The following ADPGK variants were observed in gnomAD, a reference collection of about 807,000 sequenced individuals.
ADPGK encodes ADP-dependent glucokinase.
In ADPGK, 26 loss-of-function variants were observed where a neutral mutation model predicts 42.4. The ratio of observed to expected loss-of-function variants is 0.61; its 90% CI spans 0.45 to 0.85. The LOEUF is 0.85. Ranked by LOEUF, ADPGK falls within the 40% of genes least tolerant of loss-of-function variation. ADPGK has a pLI of 0.00. For synonymous variants in ADPGK, 267 were observed against 252.6 expected (o/e 1.06, Z -0.54); for missense variants, 571 against 627.0 (o/e 0.91, Z 0.95).
At position 72,752,735 on chromosome 15, in the gene ADPGK, C is replaced by G. The variant is rs567654362; in HGVS notation, c.1100G>C (p.Gly367Ala). The G allele has an allele frequency of 6.2e-7, 1 of 1,614,070 alleles. No homozygotes were observed. Among genetic ancestry groups the G allele is most frequent in the African/African-American group, 1.3e-5 (1 of 74,910 alleles). ...DILFWILKEH[G>A]RSKSRASDLT... Reference sequence around the variant, plus strand: ...ATCCGAGGCTCTGCTTTTACTCCTCCCATGTTCTTTCAAGATCCAGAAGAG... The same window carrying G: ...ATCCGAGGCTCTGCTTTTACTCCTCGCATGTTCTTTCAAGATCCAGAAGAG... The change falls in exon 7 of 7, where the codon GGG becomes GCG. Residue 367 changes from glycine (G) to alanine (A), a missense_variant. This residue lies in a region of ADPGK where 434 missense variants were observed against 522.7 expected (regional missense o/e 0.83). Coordinates refer to ENST00000456471, the MANE Select transcript of ADPGK (RefSeq NM_001365225.1).
In ADPGK at chr15:72,751,956, T is replaced by C. The variant is rs2151065322; in HGVS notation, c.*385A>G. 5.2e-6 allele frequency: 1 copy of C among 193,310 alleles called. No homozygotes were observed. The highest frequency in any genetic ancestry group is 1.3e-4 in the East Asian group (1 of 7,922). 12.0% of individuals were successfully genotyped at this position (193,310 alleles called of 1,614,324 possible). Reference sequence around the variant, plus strand: ...AGCTGAAAGAAAGAGGAACCTCACATGAGGCTTTCCTAGAGACCAGGATGT... The same window carrying C: ...AGCTGAAAGAAAGAGGAACCTCACACGAGGCTTTCCTAGAGACCAGGATGT... On this transcript the variant is annotated 3_prime_UTR_variant, in exon 7 of 7. Coordinates refer to ENST00000456471, the MANE Select transcript of ADPGK (RefSeq NM_001365225.1).
intron 1 of ADPGK, among the ~76,000 whole-genome samples, chr15:72,778,962 T>C (rs980430144): frequency 1.3e-5 from 2 of 152,164 alleles, no homozygotes; most frequent in Admixed American, 6.5e-5. Context: ...TAATTAGTCA[T>C]CACTGCTTTC....
intron 2 of ADPGK, among the ~76,000 whole-genome samples, chr15:72,774,426 C>G (rs2066365115): frequency 6.6e-6 from 1 of 152,138 alleles, no homozygotes; most frequent in African/African-American, 2.4e-5. Flanking sequence ...CCCAGCACTG[C>G]CTCTTATTCC....
chr15:72,774,014 TG>T (rs1182972681), intron 2 of ADPGK, among the ~76,000 whole-genome samples: 2 of 152,158 alleles, frequency 1.3e-5, no homozygotes, highest in Non-Finnish European at 1.5e-5. Flanking sequence ...GCTAATTTTT[TG>T]TATTTTTTGT....
intron 4 of ADPGK, among the ~76,000 whole-genome samples, chr15:72,759,937 C>T (rs1282035055): frequency 6.6e-6 from 1 of 152,086 alleles, no homozygotes; most frequent in African/African-American, 2.4e-5. Context: ...CATTCACACA[C>T]CCAAGGAAAA....
intron 4 of ADPGK, 60 bp from the exon 5 acceptor site, chr15:72,756,507 G>T: frequency 6.3e-7 from 1 of 1,577,554 alleles, no homozygotes; most frequent in Non-Finnish European, 8.6e-7. Context: ...TCTCCTAGCT[G>T]TGGGGGCACT....
In ADPGK at chr15:72,775,051, G is replaced by C. The variant is rs1478259267; in HGVS notation, c.280C>G (p.Gln94Glu). 6.2e-7 allele frequency: 1 copy of C among 1,614,058 alleles called. No homozygotes were observed. The change falls in exon 2 of 7, where the codon CAG becomes GAG. Residue 94 changes from glutamine (Q) to glutamate (E), a missense_variant. By Grantham distance (29) the Gln-to-Glu change is conservative. Around this residue, in one of 2 missense-constraint regions of ADPGK, gnomAD observed 434 missense variants for 522.7 expected, o/e 0.83. Coordinates refer to ENST00000456471, the MANE Select transcript of ADPGK (RefSeq NM_001365225.1). Reference protein sequence around the residue: ...DVVLSGVKLLQALGLSPGNGK... With the variant: ...DVVLSGVKLLEALGLSPGNGK... ...TTCCCAGGACTAAGGCCAAGTGCCT[G>C]CAAGAGCTTCACCCCTGAGAGCACC... is the stretch of plus-strand genomic sequence containing the variant.
At chr15:72,779,660 A>C (rs1301928491) in intron 1 of ADPGK, among the ~76,000 whole-genome samples, 2 of 152,062 alleles carry the variant, frequency 1.3e-5, no homozygotes, top group Non-Finnish European at 2.9e-5. Context: ...ACCCCTTTTC[A>C]CCAGCCCCTT....
intron 1 of ADPGK, among the ~76,000 whole-genome samples, chr15:72,780,273 C>G (rs2151096018): frequency 6.6e-6 from 1 of 152,248 alleles, no homozygotes; most frequent in East Asian, 1.9e-4. Flanking sequence ...GCACCTTCTT[C>G]TTAAGGTGTC....
rs201170152 is a variant in ADPGK at position 72,773,148 on chromosome 15, CATA to C, written c.460-1306_460-1304del. On this transcript the variant is annotated intron_variant, in intron 2 of 6. Coordinates refer to ENST00000456471, the MANE Select transcript of ADPGK (RefSeq NM_001365225.1). ...AAAGGGTGGGGGGGAGGTTAAATCT[CATA>C]ATGTTTTAAGAAAGTTTATGAATTT... Among the ~76,000 whole-genome samples the C allele has an allele frequency of 7.0e-3, 1,071 of 152,042 alleles. 10 individuals are homozygous for C. The highest frequency in any genetic ancestry group is 0.025 in the African/African-American group (1,023 of 41,446).
intron 3 of ADPGK, 36 bp from the exon 4 acceptor site, chr15:72,760,563 C>A (rs761043227): frequency 1.3e-6 from 2 of 1,576,272 alleles, no homozygotes; most frequent in South Asian, 1.1e-5. Flanking sequence ...TCAGGAGCCC[C>A]GTTCCTTTCC....
chr15:72,777,633 G>A (rs745379050), intron 1 of ADPGK, among the ~76,000 whole-genome samples: 21 of 151,930 alleles, frequency 1.4e-4, no homozygotes, highest in Non-Finnish European at 2.6e-4. Context: ...AGCTGAGATC[G>A]TGCCATGGTA....
chr15:72,755,462 T>C, intron 6 of ADPGK, 94 bp downstream of exon 6: 1 of 892,728 alleles, frequency 1.1e-6, no homozygotes, highest in Non-Finnish European at 1.8e-6. Flanking sequence ...AGTGAGCCAG[T>C]CCCTGAGCCC....
chr15:72,781,039 CAG>C (rs541777852), intron 1 of ADPGK, among the ~76,000 whole-genome samples: 23 of 152,268 alleles, frequency 1.5e-4, no homozygotes, highest in East Asian at 5.8e-4. Flanking sequence ...GTCTGTGTGA[CAG>C]AGAGTGTGAA....
At chr15:72,761,304 T>C (rs981789865) in intron 3 of ADPGK, among the ~76,000 whole-genome samples, 1 of 152,170 alleles carries the variant, frequency 6.6e-6, no homozygotes, top group Admixed American at 6.5e-5. Context: ...TGAAAACTGT[T>C]TGAGTTTTTA....
chr15:72,768,108 A>C (rs539000112), intron 3 of ADPGK, among the ~76,000 whole-genome samples: 7 of 152,282 alleles, frequency 4.6e-5, no homozygotes, highest in African/African-American at 1.4e-4. Context: ...AATTGTAGAG[A>C]TCTTAAAGGA....
chr15:72,763,270 G>C (rs979749141), intron 3 of ADPGK, among the ~76,000 whole-genome samples: 4 of 151,408 alleles, frequency 2.6e-5, no homozygotes, highest in Non-Finnish European at 5.9e-5. Context: ...TCCTGCCTCA[G>C]ACTCCCAAGT....
At chr15:72,769,767 G>A (rs1040230438) in intron 3 of ADPGK, among the ~76,000 whole-genome samples, 1 of 152,178 alleles carries the variant, frequency 6.6e-6, no homozygotes, top group Non-Finnish European at 1.5e-5. Flanking sequence ...GGATTCTGAA[G>A]CTTGACTACT....
At chr15:72,776,926 A>G (rs1174890927) in intron 1 of ADPGK, among the ~76,000 whole-genome samples, 1 of 152,220 alleles carries the variant, frequency 6.6e-6, no homozygotes, top group Non-Finnish European at 1.5e-5. Flanking sequence ...TGCATAAAAC[A>G]TCTAGCTACT....
Sources: allele counts gnomAD v4.1 joint callset (sites outside exome capture counted in the v4.1 genomes callset), GRCh38; gene constraint gnomAD v4.1.1; regional missense constraint gnomAD v4.1.1; transcripts MANE v1.5; gene names NCBI Gene and HGNC (gene_info 2026-07-23, HGNC 2026-07-21).